The following NBPF8 variants were observed in gnomAD, a reference collection of about 807,000 sequenced individuals.
NBPF8 encodes the protein NBPF family member NBPF8.
At chr1:120,431,830 G>A (rs1382620016), upstream of NBPF8, among the ~76,000 whole-genome samples, 1,141 of 150,322 alleles carry the variant, frequency 7.6e-3, 6 homozygotes, top group Non-Finnish European at 0.013. Flanking sequence ...AACCTGAGGG[G>A]CGGGCTGCTA....
intron 14 of NBPF8, 118 bp downstream of exon 12, chr1:120,453,562 T>C (rs1328634497): frequency 7.4e-6 from 7 of 951,342 alleles, no homozygotes; most frequent in East Asian, 2.3e-5. Context: ...AGCCACAGTA[T>C]GTGAAATATA....
rs1191804273 is a variant in NBPF8, at chr1:120,464,328, G to T, written n.3287-48G>T. 8.1e-6 allele frequency: 6 copies of T among 741,368 alleles called. No homozygotes were observed. The African/African-American group carries it at 8.7e-5, about 11-fold the overall frequency. 45.9% of individuals were successfully genotyped at this position (741,368 alleles called of 1,614,324 possible). On this transcript the variant is annotated intron_variant and non_coding_transcript_variant, in intron 22 of 24. Coordinates refer to ENST00000583271, the Ensembl canonical transcript of NBPF8. ...CATGAAACCTATTTGGGGTTCTGTT[G>T]TGTCTGATTTCCCCTGGCGTATTCT...
intron 12 of NBPF8, 91 bp from the exon 11 acceptor site, chr1:120,452,026 G>C: frequency 1.4e-6 from 2 of 1,383,108 alleles, no homozygotes; most frequent in East Asian, 4.6e-5. Flanking sequence ...AGGTCTCCTT[G>C]AGGACATTGT....
intron 3 of NBPF8, among the ~76,000 whole-genome samples, chr1:120,428,494 T>G (rs2101536561): frequency 6.6e-6 from 1 of 151,758 alleles, no homozygotes; most frequent in Middle Eastern, 3.4e-3. Flanking sequence ...CATTGGAGAT[T>G]GTTGTGGTGA....
chr1:120,460,807 T>C (rs1222810483), intron 18 of NBPF8, among the ~76,000 whole-genome samples, 183 bp downstream of exon 16: 2 of 151,932 alleles, frequency 1.3e-5, no homozygotes, highest in Non-Finnish European at 2.9e-5. Flanking sequence ...CTTCCTACCC[T>C]TATCATTTAC....
exon 1 of NBPF8, chr1:120,436,645 A>G (rs1661091821): frequency 6.6e-7 from 1 of 1,522,202 alleles, no homozygotes; most frequent in Admixed American, 1.7e-5. Flanking sequence ...TCAAAGAGAG[A>G]TGTTTTCTAA....
At chr1:120,464,747 C>T (rs1412223687) in intron 23 of NBPF8, among the ~76,000 whole-genome samples, 199 bp downstream of exon 21, 2 of 145,532 alleles carry the variant, frequency 1.4e-5, no homozygotes, top group African/African-American at 2.6e-5. Flanking sequence ...AGACTCTCTT[C>T]CTAGTCTCAG....
chr1:120,431,859 C>T (rs1259714486), upstream of NBPF8, among the ~76,000 whole-genome samples: 73,650 of 145,122 alleles, frequency 0.51, 20,083 homozygotes, highest in African/African-American at 0.71. Context: ...GGCTCAGTAA[C>T]GAGACACAGA....
chr1:120,468,243 GCC>G (rs1373451579), downstream of NBPF8, among the ~76,000 whole-genome samples: 18 of 150,466 alleles, frequency 1.2e-4, no homozygotes, highest in African/African-American at 4.1e-4. Context: ...TTATCATCTT[GCC>G]CCTACCTTGG....
chr1:120,435,788 C>A (rs1661056168), upstream of NBPF8, among the ~76,000 whole-genome samples: 1 of 151,418 alleles, frequency 6.6e-6, no homozygotes, highest in African/African-American at 2.4e-5. Context: ...ATAGCGTGAA[C>A]CTGGGAGGCA....
upstream of NBPF8, chr1:120,433,290 C>A (rs1390176330): frequency 5.4e-3 from 830 of 152,536 alleles, 1 homozygote; most frequent in Non-Finnish European, 7.6e-3. Flanking sequence ...GATTTCAAAC[C>A]TGATTTTAAA....
At chr1:120,416,605 C>CAAA (rs1160932917), upstream of NBPF8, among the ~76,000 whole-genome samples, 1 of 24,234 alleles carries the variant, frequency 4.1e-5, no homozygotes, top group African/African-American at 3.4e-4. Flanking sequence ...ACCCTGTCTC[C>CAAA]AAAAAAAAAA....
chr1:120,451,724 A>T (rs1245049553), intron 12 of NBPF8, among the ~76,000 whole-genome samples: 1 of 146,520 alleles, frequency 6.8e-6, no homozygotes, highest in Non-Finnish European at 1.5e-5. Flanking sequence ...AATTCGCCCC[A>T]TCTGCACCTG....
At chr1:120,464,278 T>A in intron 22 of NBPF8, 98 bp from the exon 21 acceptor site, 2 of 693,640 alleles carry the variant, frequency 2.9e-6, no homozygotes, top group South Asian at 3.0e-5. Flanking sequence ...TCCTTTTACT[T>A]TTTTAACCAC....
intron 1 of NBPF8, among the ~76,000 whole-genome samples, chr1:120,422,118 G>C (rs1660593888): frequency 6.6e-6 from 1 of 152,316 alleles, no homozygotes; most frequent in East Asian, 1.9e-4. Context: ...CAGAAAAATG[G>C]AGTGGATAGT....
intron 3 of NBPF8, among the ~76,000 whole-genome samples, chr1:120,428,215 AAT>A (rs1660775649): frequency 2.6e-5 from 4 of 152,188 alleles, no homozygotes; most frequent in African/African-American, 4.8e-5. Flanking sequence ...ATGGTCATAG[AAT>A]TGGTTCAGTG....
intron 1 of NBPF8, among the ~76,000 whole-genome samples, chr1:120,425,689 C>T (rs151180203): frequency 2.0e-4 from 30 of 151,038 alleles, no homozygotes; most frequent in East Asian, 3.9e-4. Flanking sequence ...TAATGAGAAA[C>T]GCCCACAGGT....
At chr1:120,466,373 G>T in exon 25 of NBPF8, 2 of 1,159,536 alleles carry the variant, frequency 1.7e-6, no homozygotes, top group South Asian at 1.5e-5. Context: ...CATGCCAGTG[G>T]CAACCTGTGC....
intron 18 of NBPF8, 128 bp from the exon 17 acceptor site, chr1:120,461,126 G>T (rs1353722516): frequency 1.2e-4 from 68 of 576,094 alleles, no homozygotes; most frequent in Non-Finnish European, 1.9e-4. Context: ...GCAATAATTT[G>T]TTACCTCATT....
Sources: allele counts gnomAD v4.1 joint callset (sites outside exome capture counted in the v4.1 genomes callset), GRCh38; gene constraint gnomAD v4.1.1; transcripts MANE v1.5; gene names NCBI Gene and HGNC (gene_info 2026-07-23, HGNC 2026-07-21).